Variants in ANP32B observed in about 807,000 individuals in gnomAD.
The protein encoded by ANP32B is acidic leucine-rich nuclear phosphoprotein 32 family member B.
ANP32B carries 6 observed loss-of-function variants against 32.2 expected under a neutral mutation model. That is an observed-to-expected ratio of 0.19 (90% CI 0.10 to 0.37). The LOEUF (loss-of-function observed/expected upper bound fraction) is 0.37, where lower values mean the gene tolerates loss of function less well. Ranked by LOEUF, ANP32B falls within the 10% of genes least tolerant of loss-of-function variation. The pLI is 1.00. For missense variants in ANP32B, 204 were observed against 289.2 expected (o/e 0.71, Z 2.14); for synonymous variants, 98 against 105.8 (o/e 0.93, Z 0.45).
chr9:97,984,755 G>T (rs1298815511), intron 1 of ANP32B: 1 of 150,152 alleles, frequency 6.7e-6, no homozygotes, highest in South Asian at 2.1e-4. Context: ...CGCCGCGGCC[G>T]CCGCCGACTC....
chr9:97,986,478 A>C (rs1366741030), intron 1 of ANP32B: 2 of 152,226 alleles, frequency 1.3e-5, no homozygotes, highest in Non-Finnish European at 2.9e-5. Flanking sequence ...TGGGCGAATA[A>C]AACTTTGACC....
rs1828270457 is a variant in ANP32B, at chr9:98,015,779, C to G, written c.*348C>G. Reference sequence around the variant, plus strand: ...AACAGCATTTTTACTTTCTGTACAACAAAAAAGCTTTGTAAATAAAATCTT... The same window carrying G: ...AACAGCATTTTTACTTTCTGTACAAGAAAAAAGCTTTGTAAATAAAATCTT... On this transcript the variant is annotated 3_prime_UTR_variant, in exon 7 of 7. Coordinates refer to ENST00000339399, the MANE Select transcript of ANP32B (RefSeq NM_006401.3). The G allele has an allele frequency of 1.0e-6, 1 of 992,830 alleles. No individual in the cohort carries two copies. The highest frequency in any genetic ancestry group is 1.2e-6 in the Non-Finnish European group (1 of 834,590). The allele number at this position is 992,830 out of a possible 1,614,324, so 61.5% of individuals were successfully genotyped here.
At chr9:98,001,163 C>G (rs1470119933) in intron 3 of ANP32B, among the ~76,000 whole-genome samples, 3 of 142,498 alleles carry the variant, frequency 2.1e-5, no homozygotes, top group African/African-American at 5.3e-5. Flanking sequence ...ACCCTTCTCC[C>G]CGCCACCCCC....
chr9:97,991,909 A>G (rs1827830343), intron 1 of ANP32B, among the ~76,000 whole-genome samples: 2 of 152,194 alleles, frequency 1.3e-5, no homozygotes, highest in Admixed American at 6.5e-5. Flanking sequence ...GGTCCCTTTT[A>G]TGTCCAGGTT....
intron 4 of ANP32B, among the ~76,000 whole-genome samples, chr9:98,006,052 G>T (rs1030114533): frequency 1.3e-5 from 2 of 152,138 alleles, no homozygotes; most frequent in Non-Finnish European, 1.5e-5. Flanking sequence ...GGGCTAGGTT[G>T]TGTGCTCCTT....
chr9:98,007,679 G>A (rs953510443), intron 4 of ANP32B, among the ~76,000 whole-genome samples: 4 of 152,162 alleles, frequency 2.6e-5, no homozygotes, highest in African/African-American at 2.4e-5. Flanking sequence ...TTCACTACTC[G>A]AGTCAGAGAG....
chr9:97,983,566 AGAG>A lies in ANP32B; in HGVS notation c.17_19del (p.Arg6del), dbSNP rs986197532. On this transcript the variant is annotated inframe_deletion, in exon 1 of 7. Coordinates refer to ENST00000339399, the MANE Select transcript of ANP32B (RefSeq NM_006401.3). ...GGGGAAGAGGGGAACATGGACATGA[AGAG>A]GAGGATCCACCTGGAGCTGAGGAAC... is the stretch of plus-strand genomic sequence containing the variant. The A allele has an allele frequency of 2.5e-6, 4 of 1,584,940 alleles. No homozygotes were observed. Among genetic ancestry groups the A allele is most frequent in the African/African-American group, 1.4e-5 (1 of 73,314 alleles).
intron 2 of ANP32B, among the ~76,000 whole-genome samples, chr9:97,995,285 G>GA (rs763675110): frequency 1.3e-5 from 2 of 152,154 alleles, no homozygotes; most frequent in Non-Finnish European, 2.9e-5. Flanking sequence ...ATAGTCCCAG[G>GA]AAAGTGTAGT....
chr9:97,991,637 T>TGAACTACTCATTTAAAA (rs1827826957), intron 1 of ANP32B, among the ~76,000 whole-genome samples: 1 of 152,202 alleles, frequency 6.6e-6, no homozygotes, highest in Admixed American at 6.5e-5. Context: ...GCAGTTAAAA[T>TGAACTACTCATTTAAAA]GAACTACTCA....
rs1828026852 is a variant in ANP32B, at chr9:98,003,389, T to TTGGCTTTGTAGCCTGTTTATATAGTCTC, written c.328-1572_328-1545dup. 2.0e-5 allele frequency among the ~76,000 whole-genome samples: 3 copies of TTGGCTTTGTAGCCTGTTTATATAGTCTC among 152,212 alleles called. No homozygotes were observed. The South Asian group carries it at 6.2e-4, about 32-fold the overall frequency. On this transcript the variant is annotated intron_variant, in intron 3 of 6. Transcript: ENST00000339399. ...TCTAAGGGCCAAATAGTAGGTTCATTTGGCTTTGTAGCCTGTTTATATAGT... is the reference window on the plus strand; with the variant it reads ...TCTAAGGGCCAAATAGTAGGTTCATTTGGCTTTGTAGCCTGTTTATATAGTCTCTGGCTTTGTAGCCTGTTTATATAGT...
Position 98,008,387 on chromosome 9 carries a change from A to AC in ANP32B, c.518-2879dup, listed in dbSNP as rs1828124553. Among the ~76,000 whole-genome samples the AC allele has an allele frequency of 2.6e-5, 4 of 152,128 alleles. No individual in the cohort carries two copies. The South Asian group carries it at 8.3e-4, about 32-fold the overall frequency. On this transcript the variant is annotated intron_variant, in intron 4 of 6. Coordinates refer to ENST00000339399, the MANE Select transcript of ANP32B (RefSeq NM_006401.3). ...GAGCATTACTTCCCAACCACAAAAG[A>AC]CCCCCGAACTGGGAAGGAATGGATC...
At chr9:98,000,991 C>A (rs1668778657) in intron 3 of ANP32B, among the ~76,000 whole-genome samples, 1 of 151,642 alleles carries the variant, frequency 6.6e-6, no homozygotes, top group Admixed American at 6.6e-5. Flanking sequence ...TCTTCTCTTT[C>A]CACCTGTAAA....
chr9:98,015,254 A>G (rs191269263), intron 6 of ANP32B, 110 bp from the exon 7 acceptor site: 202 of 1,463,182 alleles, frequency 1.4e-4, no homozygotes, highest in Admixed American at 4.6e-4. Flanking sequence ...TCAAGTTTAC[A>G]TTGTTTTATC....
intron 1 of ANP32B, among the ~76,000 whole-genome samples, chr9:97,985,762 A>G (rs921674294): frequency 1.3e-5 from 2 of 152,202 alleles, no homozygotes; most frequent in Admixed American, 6.5e-5. Flanking sequence ...ATGTTTTCAT[A>G]TATGAAGTAA....
At chr9:97,994,588 A>T in intron 1 of ANP32B, 43 bp from the exon 2 acceptor site, 6 of 1,565,552 alleles carry the variant, frequency 3.8e-6, no homozygotes, top group Non-Finnish European at 5.2e-6. Flanking sequence ...TTTGTTTTCA[A>T]TGTGTTTTTG....
chr9:97,986,168 C>A (rs529002963), intron 1 of ANP32B, among the ~76,000 whole-genome samples: 45 of 152,342 alleles, frequency 3.0e-4, no homozygotes, highest in African/African-American at 1.1e-3. Context: ...GCCAGTCAGG[C>A]CAGAGCCATT....
chr9:98,011,253 C>G lies in ANP32B; in HGVS notation c.518-18C>G. 6.4e-7 allele frequency: 1 copy of G among 1,550,900 alleles called. No homozygotes were observed. Among genetic ancestry groups the G allele is most frequent in the South Asian group, 1.2e-5 (1 of 83,912 alleles). ...AGCGTCGAGGATATTTAATGAATCC[C>G]TTTTGGACTATTTTTAGAAGGAGAA... On this transcript the variant is annotated intron_variant, in intron 4 of 6. Coordinates refer to ENST00000339399, the MANE Select transcript of ANP32B (RefSeq NM_006401.3).
At position 98,015,111 on chromosome 9, in the gene ANP32B, G is replaced by A. The variant is rs1425094423; in HGVS notation, c.689-253G>A. On this transcript the variant is annotated intron_variant, in intron 6 of 6. Coordinates refer to ENST00000339399, the MANE Select transcript of ANP32B (RefSeq NM_006401.3). ...CTAGATTTGTAAAAAGAAACATTTGGAAGACAACACCTTAAAATCGAGGAA... is the reference window on the plus strand; with the variant it reads ...CTAGATTTGTAAAAAGAAACATTTGAAAGACAACACCTTAAAATCGAGGAA... Among the ~76,000 whole-genome samples the A allele has an allele frequency of 1.3e-5, 2 of 152,164 alleles. 1 individual carries two copies. The highest frequency in any genetic ancestry group is 1.3e-4 in the Admixed American group (2 of 15,270).
chr9:97,993,413 T>G (rs545035428), intron 1 of ANP32B, among the ~76,000 whole-genome samples: 3 of 152,342 alleles, frequency 2.0e-5, no homozygotes, highest in African/African-American at 7.2e-5. Flanking sequence ...ATCTCCCTAC[T>G]GTATACATGC....
Sources: gnomAD v4.1 joint callset for allele counts (sites outside exome capture counted in the v4.1 genomes callset) on GRCh38, gnomAD v4.1.1 for gene constraint, MANE v1.5 for transcripts, NCBI Gene and HGNC (gene_info 2026-07-23, HGNC 2026-07-21) for gene names.